Variants in FBXO25 observed in about 807,000 individuals in gnomAD.
FBXO25 encodes the protein F-box only protein 25.
A neutral mutation model predicts 51.9 loss-of-function variants in FBXO25; 45 were observed. The observed-to-expected ratio is 0.87, with a 90% confidence interval of 0.68 to 1.11. FBXO25 has a LOEUF of 1.11. FBXO25 is among the 50% of genes most tolerant of loss of function. FBXO25 has a pLI of 0.00. For synonymous variants in FBXO25, 199 were observed against 151.0 expected (o/e 1.32, Z -2.33); for missense variants, 507 against 428.5 (o/e 1.18, Z -1.62).
chr8:426,080 G>A (rs560027974), intron 2 of FBXO25, among the ~76,000 whole-genome samples: 1 of 152,016 alleles, frequency 6.6e-6, no homozygotes, highest in Non-Finnish European at 1.5e-5. Flanking sequence ...CATTGTGCAC[G>A]CTGTTAACCA....
intron 6 of FBXO25, 158 bp from the exon 7 acceptor site, chr8:451,111 C>G: frequency 1.7e-6 from 1 of 594,658 alleles, no homozygotes; most frequent in East Asian, 3.0e-5. Context: ...GTGAGAATTT[C>G]CCTCCTTTTT....
chr8:451,732 A>C (rs1385065903), intron 7 of FBXO25, among the ~76,000 whole-genome samples: 1 of 152,230 alleles, frequency 6.6e-6, no homozygotes, highest in African/African-American at 2.4e-5. Context: ...TGAATATTTC[A>C]GTTATTAGAA....
intron 4 of FBXO25, 118 bp from the exon 5 acceptor site, chr8:435,497 C>G (rs1173662567): frequency 1.8e-6 from 2 of 1,085,722 alleles, no homozygotes; most frequent in Non-Finnish European, 2.6e-6. Flanking sequence ...AATCAGTCTT[C>G]AAAATAAAAA....
intron 5 of FBXO25, among the ~76,000 whole-genome samples, chr8:440,539 C>T (rs1209892148): frequency 1.3e-5 from 2 of 151,982 alleles, no homozygotes; most frequent in Non-Finnish European, 2.9e-5. Flanking sequence ...TTTGATTTTC[C>T]TCTGATGTAA....
In FBXO25 at chr8:459,197, C is replaced by G. The variant is rs892716675; in HGVS notation, c.843+646C>G. Among the ~76,000 whole-genome samples the G allele has an allele frequency of 3.3e-5, 5 of 152,346 alleles. No individual in the cohort carries two copies. The East Asian group carries it at 9.7e-4, about 29-fold the overall frequency. On this transcript the variant is annotated intron_variant, in intron 8 of 9. Coordinates refer to ENST00000350302, the MANE Select transcript of FBXO25 (RefSeq NM_183420.2). ...GGCACCTGCTCTGCACAGGGCTGGT[C>G]GCAGCCAGAGAAGGCAGGTGGCTGG...
chr8:463,105 A>C lies in FBXO25; in HGVS notation c.942A>C (p.Gly314=), dbSNP rs1277483940. 4 of 1,613,722 alleles carry C rather than the reference A, an allele frequency of 2.5e-6. No homozygotes were observed. Among genetic ancestry groups the C allele is most frequent in the Non-Finnish European group, 3.4e-6 (4 of 1,179,942 alleles). The change falls in exon 9 of 10, where the codon GGA becomes GGC. Residue 314 remains glycine (G), a synonymous_variant. Transcript: ENST00000350302. ...QKHYPAKEQY[G]DTLHFCRHCS... The stretch of plus-strand genomic sequence containing the variant: ...ATTACCCAGCGAAGGAGCAGTACGG[A>C]GACACACTGCATTTCTGTCGGCACT...
chr8:424,654 C>T (rs112651822), intron 2 of FBXO25, among the ~76,000 whole-genome samples: 5,036 of 152,232 alleles, frequency 0.033, 250 homozygotes, highest in African/African-American at 0.11. Context: ...CTGGCCTTGT[C>T]AAAGATTGAA....
intron 5 of FBXO25, among the ~76,000 whole-genome samples, chr8:443,361 T>C (rs1798542696): frequency 1.3e-5 from 2 of 151,002 alleles, no homozygotes; most frequent in Admixed American, 6.6e-5. Context: ...ATATTTATCC[T>C]ACCAACAAGA....
intron 2 of FBXO25, among the ~76,000 whole-genome samples, chr8:414,648 T>C (rs571213788): frequency 6.6e-6 from 1 of 152,308 alleles, no homozygotes; most frequent in Admixed American, 6.5e-5. Context: ...AGTCGAGATA[T>C]GTTTTCTTTG....
In FBXO25 at chr8:475,826, A is replaced by C. The variant is rs567051600; in HGVS notation, c.*7022A>C. Reference sequence around the variant, plus strand: ...ACTAGGATTTTCTACATATAAGATCATGTCATCTGCAAACAGATAATTTTG... The same window carrying C: ...ACTAGGATTTTCTACATATAAGATCCTGTCATCTGCAAACAGATAATTTTG... On this transcript the variant is annotated 3_prime_UTR_variant, in exon 10 of 10. Coordinates refer to ENST00000350302, the MANE Select transcript of FBXO25 (RefSeq NM_183420.2). 1 of 152,270 alleles carries C rather than the reference A, an allele frequency of 6.6e-6. No homozygotes were observed. Among genetic ancestry groups the C allele is most frequent in the African/African-American group, 2.4e-5 (1 of 41,570 alleles). 9.4% of individuals were successfully genotyped at this position (152,270 alleles called of 1,614,324 possible). A position where few individuals can be genotyped will look rare whatever the true frequency, so the allele number is the denominator to read the frequency against.
At position 451,444 on chromosome 8, in the gene FBXO25, G is replaced by A. The variant is rs1271025383; in HGVS notation, c.651G>A (p.Gln217=). Residue 217 remains glutamine (Q), a synonymous_variant, in exon 7 of 10, where the codon CAG becomes CAA. Coordinates refer to ENST00000350302, the MANE Select transcript of FBXO25 (RefSeq NM_183420.2). ...LAWQQQLQDL[Q]MTKQVNNGLT... ...GGCAACAACAGCTACAGGATCTTCA[G>A]ATGACTAAGGTATAAATATCTCGGC... is the stretch of plus-strand genomic sequence containing the variant. The A allele has an allele frequency of 3.7e-6, 6 of 1,613,336 alleles. No homozygotes were observed. The East Asian group carries it at 1.3e-4, about 36-fold the overall frequency.
chr8:416,411 C>T (rs1218433893), intron 2 of FBXO25, among the ~76,000 whole-genome samples: 1 of 152,206 alleles, frequency 6.6e-6, no homozygotes, highest in Non-Finnish European at 1.5e-5. Flanking sequence ...TATCCTGAAT[C>T]TTTATTTTTT....
intron 2 of FBXO25, among the ~76,000 whole-genome samples, chr8:416,559 A>G (rs1389595040): frequency 6.6e-6 from 1 of 152,154 alleles, no homozygotes; most frequent in African/African-American, 2.4e-5. Context: ...CATGAGTGGT[A>G]GTGGCTTTTC....
chr8:439,454 C>G (rs991209450), intron 5 of FBXO25, among the ~76,000 whole-genome samples: 1 of 152,212 alleles, frequency 6.6e-6, no homozygotes, highest in Non-Finnish European at 1.5e-5. Context: ...GTTTATATAT[C>G]TAATTTTGGT....
At chr8:413,941 C>T (rs993272532) in intron 2 of FBXO25, among the ~76,000 whole-genome samples, 13 of 152,200 alleles carry the variant, frequency 8.5e-5, no homozygotes, top group African/African-American at 3.1e-4. Context: ...GTGTCTACCA[C>T]AGTGGTGTTT....
chr8:435,306 C>T (rs955402897), intron 4 of FBXO25: 3 of 356,452 alleles, frequency 8.4e-6, no homozygotes, highest in African/African-American at 4.4e-5. Flanking sequence ...TTAGCTTTAA[C>T]GTCGTCCACA....
At chr8:467,653 T>C (rs1039987927) in intron 9 of FBXO25, 7 of 1,534,202 alleles carry the variant, frequency 4.6e-6, no homozygotes, top group Non-Finnish European at 6.3e-6. Flanking sequence ...CTTTCTAATC[T>C]TAACTTTTCC....
intron 8 of FBXO25, among the ~76,000 whole-genome samples, chr8:459,641 C>A (rs1330781520): frequency 6.6e-6 from 1 of 152,168 alleles, no homozygotes; most frequent in Non-Finnish European, 1.5e-5. Context: ...GAAGATGACC[C>A]CGATGGGATG....
chr8:439,816 C>G (rs1482431085), intron 5 of FBXO25, among the ~76,000 whole-genome samples: 1 of 152,162 alleles, frequency 6.6e-6, no homozygotes, highest in African/African-American at 2.4e-5. Flanking sequence ...GCCTGCAATC[C>G]CAGCACTTTG....
Sources: allele counts gnomAD v4.1 joint callset (sites outside exome capture counted in the v4.1 genomes callset), GRCh38; gene constraint gnomAD v4.1.1; transcripts MANE v1.5; gene names NCBI Gene and HGNC (gene_info 2026-07-23, HGNC 2026-07-21).